Variants in KCNQ5 observed in about 807,000 individuals in gnomAD.
KCNQ5 encodes the protein potassium voltage-gated channel subfamily KQT member 5.
A neutral mutation model predicts 98.2 loss-of-function variants in KCNQ5; 30 were observed. The observed-to-expected ratio is 0.31, with a 90% confidence interval of 0.23 to 0.41. The LOEUF is 0.41. KCNQ5 is among the 10% of genes least tolerant of loss of function. The pLI is 1.00. For missense variants in KCNQ5, 835 were observed against 1,182.5 expected (o/e 0.71, Z 4.31); for synonymous variants, 458 against 449.4 (o/e 1.02, Z -0.24).
chr6:73,035,126 T>C (rs1023492960), intron 2 of KCNQ5, among the ~76,000 whole-genome samples: 4 of 152,036 alleles, frequency 2.6e-5, no homozygotes, highest in African/African-American at 9.7e-5. Context: ...ATTACAGGTG[T>C]GAACCACCGC....
intron 10 of KCNQ5, among the ~76,000 whole-genome samples, chr6:73,139,103 G>A (rs1299209116): frequency 1.3e-5 from 2 of 152,050 alleles, no homozygotes; most frequent in Admixed American, 6.5e-5. Context: ...CTCCTCCTCA[G>A]GCTGGAAGCA....
At position 72,758,823 on chromosome 6, in the gene KCNQ5, G is replaced by C. The variant is rs535476434; in HGVS notation, c.398+136236G>C. ...TGTAGAAACAAAAATAGTAAGTTAT[G>C]TGTCTGTAAGAAAGAGACATGACCT... On this transcript the variant is annotated intron_variant, in intron 1 of 13. Transcript: ENST00000370398. Among the ~76,000 whole-genome samples the C allele has an allele frequency of 9.3e-4, 142 of 152,242 alleles. 4 individuals carry two copies. In the South Asian group the frequency reaches 0.029, roughly 31 times the overall value.
At chr6:73,166,788 C>A (rs1467679123) in intron 10 of KCNQ5, among the ~76,000 whole-genome samples, 1 of 152,184 alleles carries the variant, frequency 6.6e-6, no homozygotes, top group African/African-American at 2.4e-5. Flanking sequence ...TGGGGGCCAA[C>A]AATCCCTGGT....
intron 1 of KCNQ5, among the ~76,000 whole-genome samples, chr6:72,725,760 A>G (rs975392794): frequency 6.6e-6 from 1 of 152,236 alleles, no homozygotes; most frequent in Non-Finnish European, 1.5e-5. Flanking sequence ...GTAAAAATAT[A>G]TCAAAACTTC....
chr6:73,190,768 C>T, intron 12 of KCNQ5, 64 bp downstream of exon 12: 1 of 1,118,622 alleles, frequency 8.9e-7, no homozygotes, highest in Non-Finnish European at 1.2e-6. Flanking sequence ...GGAAGAACTT[C>T]TCTTTAGTAG....
At chr6:72,749,746 C>G (rs538508040) in intron 1 of KCNQ5, among the ~76,000 whole-genome samples, 19 of 152,058 alleles carry the variant, frequency 1.2e-4, no homozygotes, top group Non-Finnish European at 2.7e-4. Context: ...ATTTTTATTT[C>G]CATTTATGTA....
rs1291869993 is a variant in KCNQ5, at chr6:72,929,958, A to G, written c.399-73950A>G. On this transcript the variant is annotated intron_variant, in intron 1 of 13. Transcript: ENST00000370398. ...ACATAATTTAACTTTTCTTTATTCC[A>G]TAACTGTCAGGAAGCTTAGTGTAAG... 2.0e-5 allele frequency among the ~76,000 whole-genome samples: 3 copies of G among 152,248 alleles called. No individual in the cohort carries two copies. The East Asian group carries it at 5.8e-4, about 29-fold the overall frequency.
intron 3 of KCNQ5, among the ~76,000 whole-genome samples, chr6:73,053,225 C>T (rs1435306121): frequency 6.6e-6 from 1 of 152,192 alleles, no homozygotes; most frequent in Admixed American, 6.5e-5. Flanking sequence ...GCATCCAAAA[C>T]AGGAGCACCC....
intron 1 of KCNQ5, among the ~76,000 whole-genome samples, chr6:72,995,271 G>A (rs1769235479): frequency 6.6e-6 from 1 of 151,596 alleles, no homozygotes; most frequent in Non-Finnish European, 1.5e-5. Context: ...GGGAGGCTGA[G>A]GCAGGAGAAT....
chr6:72,979,198 G>A (rs1768307853), intron 1 of KCNQ5, among the ~76,000 whole-genome samples: 1 of 152,182 alleles, frequency 6.6e-6, no homozygotes, highest in Non-Finnish European at 1.5e-5. Flanking sequence ...ACCCAGTAAT[G>A]GGAATGCTGG....
chr6:73,094,733 A>G (rs1774407202), intron 5 of KCNQ5, among the ~76,000 whole-genome samples: 1 of 152,132 alleles, frequency 6.6e-6, no homozygotes, highest in Admixed American at 6.6e-5. Context: ...TTGCTTGAGG[A>G]GGCCGAAGAC....
chr6:73,054,641 C>T (rs899376718), intron 3 of KCNQ5, among the ~76,000 whole-genome samples: 1 of 152,346 alleles, frequency 6.6e-6, no homozygotes, highest in East Asian at 1.9e-4. Context: ...TAAAGTTCAA[C>T]ATCCCTTCAC....
At chr6:72,687,982 G>A (rs1768041500) in intron 1 of KCNQ5, among the ~76,000 whole-genome samples, 1 of 151,954 alleles carries the variant, frequency 6.6e-6, no homozygotes, top group South Asian at 2.1e-4. Flanking sequence ...GGGACTACAG[G>A]TGCGCATCAC....
chr6:72,940,084 G>T (rs973442259), intron 1 of KCNQ5, among the ~76,000 whole-genome samples: 2 of 151,988 alleles, frequency 1.3e-5, no homozygotes, highest in Admixed American at 6.6e-5. Flanking sequence ...ATAAAATGAG[G>T]TTGTTGTATT....
At chr6:72,974,908 T>C (rs1366808382) in intron 1 of KCNQ5, among the ~76,000 whole-genome samples, 1 of 152,116 alleles carries the variant, frequency 6.6e-6, no homozygotes, top group African/African-American at 2.4e-5. Flanking sequence ...GGCTAATTTT[T>C]TGTATTTTAG....
chr6:72,870,339 A>C (rs1778151747), intron 1 of KCNQ5, among the ~76,000 whole-genome samples: 1 of 152,102 alleles, frequency 6.6e-6, no homozygotes. Context: ...CAGTGGCATG[A>C]TCTGCAGCTC....
Position 73,109,404 on chromosome 6 carries a change from AT to A in KCNQ5, c.1030-1902del, listed in dbSNP as rs544699772. 1.4e-3 allele frequency among the ~76,000 whole-genome samples: 212 copies of A among 152,350 alleles called. 2 individuals carry two copies. The highest frequency in any genetic ancestry group is 5.0e-3 in the African/African-American group (207 of 41,582). ...TCTAAATTATGCTCCATACAAGTGG[AT>A]TATACACATATATGCACATAAATGC... On this transcript the variant is annotated intron_variant, in intron 6 of 13. Coordinates refer to ENST00000370398, the MANE Select transcript of KCNQ5 (RefSeq NM_019842.4).
chr6:73,036,385 CAAAAAAAAAAAAA>C (rs70994156), intron 2 of KCNQ5, among the ~76,000 whole-genome samples: 1 of 78,534 alleles, frequency 1.3e-5, no homozygotes, highest in East Asian at 3.8e-4. Flanking sequence ...GACTCTGTCT[CAAAAAAAAAAAAA>C]AAAAAAAAAA....
At chr6:72,748,037 A>G (rs930824239) in intron 1 of KCNQ5, among the ~76,000 whole-genome samples, 8 of 152,152 alleles carry the variant, frequency 5.3e-5, no homozygotes, top group African/African-American at 1.9e-4. Flanking sequence ...TACATCTCCG[A>G]AAAGTGTAAG....
Sources: gnomAD v4.1 joint callset for allele counts (sites outside exome capture counted in the v4.1 genomes callset) on GRCh38, gnomAD v4.1.1 for gene constraint, MANE v1.5 for transcripts, NCBI Gene and HGNC (gene_info 2026-07-23, HGNC 2026-07-21) for gene names.